ASAP1: variants seen among roughly 807,000 people sequenced by gnomAD.
ASAP1 encodes the protein arf-GAP with SH3 domain, ANK repeat and PH domain-containing protein 1.
A neutral mutation model predicts 145.2 loss-of-function variants in ASAP1; 43 were observed. The ratio of observed to expected loss-of-function variants is 0.30; its 90% CI spans 0.23 to 0.38. The LOEUF (loss-of-function observed/expected upper bound fraction) is 0.38. Among genes scored for constraint, ASAP1 ranks in the 10% least tolerant of loss-of-function variants. The pLI is 1.00. For missense variants in ASAP1, 1,018 were observed against 1,355.3 expected (o/e 0.75, Z 3.91); for synonymous variants, 546 against 515.5 (o/e 1.06, Z -0.80).
In ASAP1 at chr8:130,125,915, G is replaced by A. The variant is rs1242296971; in HGVS notation, c.1515+41C>T. On this transcript the variant is annotated intron_variant, in intron 17 of 29. Transcript: ENST00000518721. ...AAAACAATATATTAAAATTACTCAT[G>A]ACAATAATATCATTCTTCCCAAGTA... 6 of 1,560,742 alleles carry A rather than the reference G, an allele frequency of 3.8e-6. No individual in the cohort carries two copies. The African/African-American group carries it at 6.9e-5, about 18-fold the overall frequency.
intron 5 of ASAP1, among the ~76,000 whole-genome samples, chr8:130,198,351 T>A (rs1222771546): frequency 6.6e-6 from 1 of 152,054 alleles, no homozygotes; most frequent in Non-Finnish European, 1.5e-5. Context: ...TTCTTTACAC[T>A]TGAAAAGCTC....
At chr8:130,231,382 C>T (rs374282820) in intron 4 of ASAP1, among the ~76,000 whole-genome samples, 1 of 152,114 alleles carries the variant, frequency 6.6e-6, no homozygotes, top group South Asian at 2.1e-4. Flanking sequence ...AAATTATATA[C>T]CACTGTCATT....
At chr8:130,094,336 G>A (rs2097512495) in intron 24 of ASAP1, among the ~76,000 whole-genome samples, 1 of 151,962 alleles carries the variant, frequency 6.6e-6, no homozygotes, top group Non-Finnish European at 1.5e-5. Context: ...TCAGCCTCCT[G>A]AGTAGCTGGG....
chr8:130,088,489 G>A (rs562723993), intron 25 of ASAP1, among the ~76,000 whole-genome samples: 1 of 152,138 alleles, frequency 6.6e-6, no homozygotes, highest in African/African-American at 2.4e-5. Context: ...ACAGAGAGGC[G>A]GCGGCAGTGG....
At chr8:130,059,149 C>A (rs1177002996) in intron 28 of ASAP1, among the ~76,000 whole-genome samples, 1 of 151,872 alleles carries the variant, frequency 6.6e-6, no homozygotes, top group African/African-American at 2.4e-5. Context: ...ATATGACACA[C>A]TTTTACTGCA....
chr8:130,149,968 G>A lies in ASAP1; in HGVS notation c.1080+2768C>T, dbSNP rs1399334788. On this transcript the variant is annotated intron_variant, in intron 13 of 29. Transcript: ENST00000518721. ...TTCCCTCCAGGCTGCTCTGGGGGCA[G>A]GAGAGTGCTGATGTTTGTAGCAGGA... Among the ~76,000 whole-genome samples, 6 of 152,196 alleles carry A rather than the reference G, an allele frequency of 3.9e-5. No homozygotes were observed. In the East Asian group the frequency reaches 1.2e-3, roughly 29 times the overall value.
At chr8:130,109,338 G>A (rs368054173) in intron 24 of ASAP1, among the ~76,000 whole-genome samples, 3 of 152,116 alleles carry the variant, frequency 2.0e-5, no homozygotes, top group Admixed American at 1.3e-4. Flanking sequence ...TTTGCTTGAC[G>A]GTAATTTAGG....
chr8:130,181,024 G>C (rs1814320787), intron 7 of ASAP1, 144 bp from the exon 8 acceptor site: 2 of 603,486 alleles, frequency 3.3e-6, no homozygotes, highest in Non-Finnish European at 5.2e-6. Context: ...TACCACTCTG[G>C]TGGGGGTCAG....
At chr8:130,286,488 T>C (rs961913257) in intron 3 of ASAP1, among the ~76,000 whole-genome samples, 2 of 152,194 alleles carry the variant, frequency 1.3e-5, no homozygotes, top group African/African-American at 2.4e-5. Flanking sequence ...GATGGAGTTG[T>C]AGTTACAGAG....
chr8:130,437,620 A>T (rs1336007708), intron 1 of ASAP1, among the ~76,000 whole-genome samples: 1 of 152,194 alleles, frequency 6.6e-6, no homozygotes, highest in Non-Finnish European at 1.5e-5. Flanking sequence ...AGATAGATAG[A>T]CTAACTACAA....
intron 3 of ASAP1, among the ~76,000 whole-genome samples, chr8:130,256,035 T>C (rs773158739): frequency 2.6e-5 from 4 of 152,108 alleles, no homozygotes; most frequent in Admixed American, 2.6e-4. Context: ...GAATATCTTA[T>C]TAGGAAGAGA....
At chr8:130,425,594 A>C (rs144132518) in intron 1 of ASAP1, among the ~76,000 whole-genome samples, 8 of 152,316 alleles carry the variant, frequency 5.3e-5, no homozygotes, top group African/African-American at 1.9e-4. Flanking sequence ...AGACAATGAA[A>C]GATCAGAGTG....
intron 24 of ASAP1, among the ~76,000 whole-genome samples, chr8:130,105,231 A>C (rs2097535005): frequency 6.6e-6 from 1 of 152,218 alleles, no homozygotes; most frequent in Non-Finnish European, 1.5e-5. Context: ...AATAACAACA[A>C]ACAAACAATA....
intron 5 of ASAP1, among the ~76,000 whole-genome samples, chr8:130,213,544 G>C (rs567715503): frequency 5.3e-5 from 8 of 152,162 alleles, no homozygotes; most frequent in Non-Finnish European, 1.0e-4. Flanking sequence ...CCTAGGTTAA[G>C]GACATCTTGA....
chr8:130,221,951 G>A (rs575319585), intron 4 of ASAP1, among the ~76,000 whole-genome samples: 10 of 152,104 alleles, frequency 6.6e-5, no homozygotes, highest in East Asian at 3.8e-4. Flanking sequence ...CAAGTGCCTC[G>A]TACACGATGA....
chr8:130,328,079 GCTGT>G (rs576470206), intron 3 of ASAP1, among the ~76,000 whole-genome samples: 95 of 152,232 alleles, frequency 6.2e-4, no homozygotes, highest in South Asian at 5.0e-3. Context: ...CACTACTGCA[GCTGT>G]CTAACATTTA....
At chr8:130,150,858 C>T (rs2097644679) in intron 13 of ASAP1, among the ~76,000 whole-genome samples, 1 of 151,812 alleles carries the variant, frequency 6.6e-6, no homozygotes, top group Admixed American at 6.6e-5. Context: ...CCAGCCTGGG[C>T]GACAGAGCCA....
intron 17 of ASAP1, among the ~76,000 whole-genome samples, chr8:130,124,367 G>A (rs2097571628): frequency 6.6e-6 from 1 of 152,166 alleles, no homozygotes; most frequent in South Asian, 2.1e-4. Flanking sequence ...CATTGACAAG[G>A]AAATCAATCA....
intron 9 of ASAP1, among the ~76,000 whole-genome samples, chr8:130,174,177 G>C (rs1474534342): frequency 6.7e-6 from 1 of 149,968 alleles, no homozygotes; most frequent in Non-Finnish European, 1.5e-5. Context: ...ACTATACGTG[G>C]TAACCTTGGG....
Sources: gnomAD v4.1 joint callset for allele counts (sites outside exome capture counted in the v4.1 genomes callset) on GRCh38, gnomAD v4.1.1 for gene constraint, MANE v1.5 for transcripts, NCBI Gene and HGNC (gene_info 2026-07-23, HGNC 2026-07-21) for gene names.